The following PRKAR2B variants were observed in gnomAD, a reference collection of about 807,000 sequenced individuals.
PRKAR2B encodes the protein cAMP-dependent protein kinase type II-beta regulatory subunit.
Under a neutral mutation model 49.9 loss-of-function variants are expected in PRKAR2B, and 14 were observed. That is an observed-to-expected ratio of 0.28 (90% CI 0.19 to 0.44). PRKAR2B has a LOEUF of 0.44. Among genes scored for constraint, PRKAR2B ranks in the 20% least tolerant of loss-of-function variants. The probability of loss-of-function intolerance (pLI) is 1.00; values close to 1 mark genes in which losing one functional copy is unlikely to be tolerated. For synonymous variants in PRKAR2B, 196 were observed against 197.7 expected (o/e 0.99, Z 0.07); for missense variants, 393 against 537.9 (o/e 0.73, Z 2.67).
intron 2 of PRKAR2B, among the ~76,000 whole-genome samples, chr7:107,072,927 C>T (rs889261158): frequency 6.6e-6 from 1 of 152,036 alleles, no homozygotes. Flanking sequence ...GAAGTCTGTA[C>T]GACGTAAGAG....
intron 3 of PRKAR2B, among the ~76,000 whole-genome samples, chr7:107,125,924 T>A (rs1362672075): frequency 1.3e-5 from 2 of 151,472 alleles, no homozygotes; most frequent in South Asian, 2.1e-4. Context: ...CTGTCTCTAA[T>A]AAAAATACAA....
rs547041377 is a variant in PRKAR2B, at chr7:107,120,488, C to T, written c.344-1464C>T. On this transcript the variant is annotated intron_variant, in intron 2 of 10. Transcript: ENST00000265717. ...ACCAAAGATGATACTACTTTTGATG[C>T]CACCCTGAGGGACCTAGGAAGACAT... is the stretch of plus-strand genomic sequence containing the variant. 1.4e-4 allele frequency among the ~76,000 whole-genome samples: 22 copies of T among 152,174 alleles called. 1 individual carries two copies. In the East Asian group the frequency reaches 2.3e-3, roughly 16 times the overall value.
chr7:107,126,420 C>CAAAAAAAAAAAAAAAAAAAAAAAAAAA (rs35682952), intron 3 of PRKAR2B, among the ~76,000 whole-genome samples: 2 of 38,402 alleles, frequency 5.2e-5, no homozygotes, highest in African/African-American at 1.0e-4. Flanking sequence ...GAATCTGTCT[C>CAAAAAAAAAAAAAAAAAAAAAAAAAAA]AAAAAAAAAA....
rs117347185 is a variant in PRKAR2B at position 107,151,679 on chromosome 7, C to T, written c.843+656C>T. On this transcript the variant is annotated intron_variant, in intron 7 of 10. Coordinates refer to ENST00000265717, the MANE Select transcript of PRKAR2B (RefSeq NM_002736.3). Reference sequence around the variant, plus strand: ...TGCTTAGGACACTCACATCAGCCTACAGCTGGGAACAGTCACCTGGCAGCA... The same window carrying T: ...TGCTTAGGACACTCACATCAGCCTATAGCTGGGAACAGTCACCTGGCAGCA... Among the ~76,000 whole-genome samples the T allele has an allele frequency of 6.0e-4, 92 of 152,330 alleles. No homozygotes were observed. The East Asian group carries it at 0.017, about 29-fold the overall frequency.
chr7:107,107,633 C>G (rs11772245), intron 2 of PRKAR2B, among the ~76,000 whole-genome samples: 18,702 of 151,322 alleles, frequency 0.12, 1,378 homozygotes, highest in African/African-American at 0.2. Context: ...AGTGATCACT[C>G]TATCCAGCAG....
chr7:107,052,383 A>G (rs1051885640), intron 1 of PRKAR2B, among the ~76,000 whole-genome samples: 9 of 152,088 alleles, frequency 5.9e-5, no homozygotes, highest in African/African-American at 2.2e-4. Flanking sequence ...GCGCCACTGC[A>G]CTCCAGCTTG....
chr7:107,077,191 T>C (rs1339524591), intron 2 of PRKAR2B: 2 of 152,212 alleles, frequency 1.3e-5, no homozygotes, highest in African/African-American at 4.8e-5. Flanking sequence ...TAATCACCAA[T>C]ACTTGGGAAT....
chr7:107,138,868 G>A (rs1178038548), intron 4 of PRKAR2B, among the ~76,000 whole-genome samples: 1 of 151,630 alleles, frequency 6.6e-6, no homozygotes, highest in African/African-American at 2.4e-5. Context: ...TGGTAGAGAC[G>A]GGGTTTTGCC....
intron 2 of PRKAR2B, among the ~76,000 whole-genome samples, chr7:107,070,975 C>G (rs1387689127): frequency 1.3e-5 from 2 of 152,166 alleles, no homozygotes; most frequent in Non-Finnish European, 2.9e-5. Context: ...ATACTGTGTA[C>G]TATTTAAACT....
chr7:107,058,619 T>TA (rs1793960978), intron 1 of PRKAR2B, among the ~76,000 whole-genome samples: 1 of 152,210 alleles, frequency 6.6e-6, no homozygotes, highest in Non-Finnish European at 1.5e-5. Flanking sequence ...AGCCAAGCAA[T>TA]ATTAGGACTT....
chr7:107,125,525 G>C (rs1379666216), intron 3 of PRKAR2B, among the ~76,000 whole-genome samples: 2 of 152,204 alleles, frequency 1.3e-5, no homozygotes, highest in Non-Finnish European at 2.9e-5. Flanking sequence ...GATCCCTTAG[G>C]TGGGATCATG....
At chr7:107,086,951 CAAATT>C (rs1209835075) in intron 2 of PRKAR2B, among the ~76,000 whole-genome samples, 1 of 151,952 alleles carries the variant, frequency 6.6e-6, no homozygotes, top group African/African-American at 2.4e-5. Context: ...TTGTTTAACA[CAAATT>C]AAAACACTTT....
intron 2 of PRKAR2B, among the ~76,000 whole-genome samples, chr7:107,080,297 T>C (rs1397648128): frequency 1.3e-5 from 2 of 152,136 alleles, no homozygotes; most frequent in Non-Finnish European, 2.9e-5. Flanking sequence ...AGGAGTGTTC[T>C]TGGAGAAGAA....
intron 1 of PRKAR2B, among the ~76,000 whole-genome samples, chr7:107,055,498 C>T (rs953537437): frequency 6.6e-5 from 10 of 152,104 alleles, no homozygotes; most frequent in East Asian, 3.9e-4. Context: ...TTTTAATGAT[C>T]GCCATTCTAA....
chr7:107,126,947 T>C (rs1795507108), intron 3 of PRKAR2B, among the ~76,000 whole-genome samples: 1 of 152,166 alleles, frequency 6.6e-6, no homozygotes, highest in African/African-American at 2.4e-5. Context: ...CAGTGACCCT[T>C]TCTCTTACTA....
Position 107,146,346 on chromosome 7 carries a change from G to C in PRKAR2B, c.626G>C (p.Gly209Ala). 1.2e-6 allele frequency: 2 copies of C among 1,614,146 alleles called. No homozygotes were observed. The highest frequency in any genetic ancestry group is 1.7e-6 in the Non-Finnish European group (2 of 1,180,012). The change falls in exon 6 of 11, where the codon GGA becomes GCA. Residue 209 changes from glycine (G) to alanine (A), a missense_variant. Physicochemically the swap from Gly to Ala is moderately conservative, Grantham distance 60 (BLOSUM62 0). Transcript: ENST00000265717. ...ATTTATGTGAAATGTGATGGTGTTG[G>C]AAGATGTGTTGGTAACTATGATAAT... ...FDIYVKCDGV[G>A]RCVGNYDNRG...
At chr7:107,159,265 G>A (rs375538864) in intron 10 of PRKAR2B, among the ~76,000 whole-genome samples, 184 bp from the exon 11 acceptor site, 1 of 152,026 alleles carries the variant, frequency 6.6e-6, no homozygotes, top group African/African-American at 2.4e-5. Flanking sequence ...CCAAGAGCGT[G>A]GCCCTGGCTG....
intron 10 of PRKAR2B, 63 bp downstream of exon 10, chr7:107,157,387 C>G (rs941833160): frequency 1.2e-5 from 18 of 1,523,804 alleles, no homozygotes; most frequent in Admixed American, 8.3e-5. Context: ...TTTATGTATT[C>G]ATGTTGAGTG....
chr7:107,156,900 C>G (rs1261814424), intron 8 of PRKAR2B, 84 bp from the exon 9 acceptor site: 4 of 1,178,628 alleles, frequency 3.4e-6, no homozygotes, highest in Admixed American at 1.8e-5. Context: ...GGGGTTGGAT[C>G]AATTTTAGGG....
Sources: gnomAD v4.1 joint callset for allele counts (sites outside exome capture counted in the v4.1 genomes callset) on GRCh38, gnomAD v4.1.1 for gene constraint, MANE v1.5 for transcripts, NCBI Gene and HGNC (gene_info 2026-07-23, HGNC 2026-07-21) for gene names.